Variants in PIK3R3 observed in about 807,000 individuals in gnomAD.
PIK3R3 encodes the protein phosphoinositide-3-kinase regulatory subunit 3.
Under a neutral mutation model 62.9 loss-of-function variants are expected in PIK3R3, and 64 were observed. The observed-to-expected ratio is 1.02, with a 90% CI of 0.83 to 1.25. The LOEUF is 1.25. Ranked by LOEUF, PIK3R3 falls within the 50% of genes most tolerant of loss-of-function variation. The pLI, the probability that PIK3R3 is intolerant of heterozygous loss-of-function variation, is 0.00. For synonymous variants in PIK3R3, 165 were observed against 189.0 expected (o/e 0.87, Z 1.04); for missense variants, 614 against 561.6 (o/e 1.09, Z -0.94).
At chr1:46,122,020 T>TA (rs1654722712) in intron 1 of PIK3R3, among the ~76,000 whole-genome samples, 1 of 151,826 alleles carries the variant, frequency 6.6e-6, no homozygotes, top group Non-Finnish European at 1.5e-5. Flanking sequence ...AAGGCTACAG[T>TA]AACTTGTGAT....
chr1:46,126,401 G>A (rs1254938707), intron 1 of PIK3R3, among the ~76,000 whole-genome samples: 1 of 151,958 alleles, frequency 6.6e-6, no homozygotes, highest in South Asian at 2.1e-4. Flanking sequence ...AGCCAGGCAT[G>A]GTGGTAGGCA....
At chr1:46,068,276 G>GT (rs988663117) in intron 3 of PIK3R3, among the ~76,000 whole-genome samples, 8 of 152,150 alleles carry the variant, frequency 5.3e-5, no homozygotes, top group African/African-American at 1.9e-4. Flanking sequence ...CTCTGTTAAA[G>GT]TTAAAAGACA....
chr1:46,061,418 C>CT (rs1247981297), intron 6 of PIK3R3, among the ~76,000 whole-genome samples: 3 of 152,210 alleles, frequency 2.0e-5, no homozygotes, highest in Non-Finnish European at 4.4e-5. Context: ...TTCCTGCCTA[C>CT]AGTCTTGTTC....
the PIK3R3 span, among the ~76,000 whole-genome samples, chr1:46,167,131 G>A: frequency 1.3e-5 from 2 of 152,254 alleles, no homozygotes; most frequent in Non-Finnish European, 2.9e-5. Context: ...CCCAATTCTG[G>A]GCCCTGGCGA....
chr1:46,128,332 G>A (rs961483169), intron 1 of PIK3R3, among the ~76,000 whole-genome samples: 2 of 152,102 alleles, frequency 1.3e-5, no homozygotes, highest in African/African-American at 4.8e-5. Context: ...AGCTACTCGG[G>A]AGGCTCAGGG....
At chr1:46,155,434 T>C in the PIK3R3 span, among the ~76,000 whole-genome samples, 1 of 151,580 alleles carries the variant, frequency 6.6e-6, no homozygotes, top group Admixed American at 6.6e-5. Context: ...ACAAGTTTTG[T>C]TTCCTTTTTC....
the PIK3R3 span, among the ~76,000 whole-genome samples, chr1:46,162,071 G>A: frequency 9.1e-4 from 132 of 145,060 alleles, 2 homozygotes; most frequent in East Asian, 0.019. Context: ...CAGCCTGGGC[G>A]ACAGAGTGAG....
intron 1 of PIK3R3, among the ~76,000 whole-genome samples, chr1:46,111,733 G>A (rs924139738): frequency 4.2e-5 from 6 of 142,168 alleles, no homozygotes; most frequent in Non-Finnish European, 8.0e-5. Context: ...TCAAAAAAAA[G>A]GGTGGGGGGG....
chr1:46,081,997 TATAA>T (rs139367620), intron 1 of PIK3R3, among the ~76,000 whole-genome samples: 5,344 of 151,738 alleles, frequency 0.035, 134 homozygotes, highest in Non-Finnish European at 0.052. Flanking sequence ...TTCATGCAGA[TATAA>T]ATAAATAAAT....
chr1:46,100,867 G>A (rs1652595051), intron 1 of PIK3R3, among the ~76,000 whole-genome samples: 3 of 152,030 alleles, frequency 2.0e-5, no homozygotes, highest in South Asian at 4.2e-4. Context: ...TGTAGCTGTT[G>A]CTGCTATAAT....
At chr1:46,138,213 T>C in the PIK3R3 span, among the ~76,000 whole-genome samples, 1 of 152,236 alleles carries the variant, frequency 6.6e-6, no homozygotes, top group Non-Finnish European at 1.5e-5. Flanking sequence ...ATTATTTCAA[T>C]AGCTTTGAGC....
rs893065193 is a variant in PIK3R3, at chr1:46,044,068, GTTTA to G, written c.1188-201_1188-198del. On this transcript the variant is annotated intron_variant, in intron 9 of 9. Coordinates refer to ENST00000262741, the MANE Select transcript of PIK3R3 (RefSeq NM_003629.4). The surrounding 1 kb of genome is among the most constrained non-coding windows in gnomAD (Gnocchi z 4.2). ...TGTTAAAACAACCACAAATGTAAGG[GTTTA>G]TTTATTTCTTTTTTTTTTTTTTAGA... Among the ~76,000 whole-genome samples, 6 of 145,444 alleles carry G rather than the reference GTTTA, an allele frequency of 4.1e-5. No individual in the cohort carries two copies. Among genetic ancestry groups the G allele is most frequent in the African/African-American group, 1.3e-4 (5 of 39,220 alleles).
the PIK3R3 span, among the ~76,000 whole-genome samples, chr1:46,160,011 T>A: frequency 6.6e-6 from 1 of 152,192 alleles, no homozygotes; most frequent in African/African-American, 2.4e-5. Context: ...ATTCAAATCA[T>A]GTAGCTCTGT....
At chr1:46,098,173 T>C (rs756095235) in intron 1 of PIK3R3, among the ~76,000 whole-genome samples, 1 of 152,146 alleles carries the variant, frequency 6.6e-6, no homozygotes, top group Admixed American at 6.5e-5. Flanking sequence ...TCAGCATCAT[T>C]AGTCATTAGG....
chr1:46,117,599 T>C (rs1654296748), intron 1 of PIK3R3, among the ~76,000 whole-genome samples: 1 of 152,068 alleles, frequency 6.6e-6, no homozygotes, highest in Non-Finnish European at 1.5e-5. Flanking sequence ...AGAGAAAAAT[T>C]AGCTGGGCAT....
intron 1 of PIK3R3, among the ~76,000 whole-genome samples, chr1:46,095,688 G>A (rs1652056000): frequency 6.6e-6 from 1 of 152,016 alleles, no homozygotes; most frequent in African/African-American, 2.4e-5. Flanking sequence ...ACAATTAGAA[G>A]GGAACAATTA....
the PIK3R3 span, among the ~76,000 whole-genome samples, chr1:46,138,623 G>C: frequency 6.6e-6 from 1 of 152,254 alleles, no homozygotes; most frequent in Non-Finnish European, 1.5e-5. Context: ...TAGTGCCACT[G>C]CTCCCAGCCT....
At chr1:46,060,778 C>G (rs1424173169) in intron 6 of PIK3R3, among the ~76,000 whole-genome samples, 1 of 152,190 alleles carries the variant, frequency 6.6e-6, no homozygotes, top group Non-Finnish European at 1.5e-5. Context: ...AGCTACACTG[C>G]CTCACAGTGC....
the PIK3R3 span, among the ~76,000 whole-genome samples, chr1:46,151,853 C>A: frequency 6.6e-6 from 1 of 152,308 alleles, no homozygotes; most frequent in Admixed American, 6.5e-5. Flanking sequence ...TGGGTATCTA[C>A]AATCACCTCA....
Sources: gnomAD v4.1 joint callset for allele counts (sites outside exome capture counted in the v4.1 genomes callset) on GRCh38, gnomAD v4.1.1 for gene constraint, Gnocchi (gnomAD v3.1) non-coding constraint, MANE v1.5 for transcripts, NCBI Gene and HGNC (gene_info 2026-07-23, HGNC 2026-07-21) for gene names.